ZMYM2: variants seen among roughly 807,000 people sequenced by gnomAD.
ZMYM2 encodes the protein zinc finger MYM-type protein 2.
In ZMYM2, 56 loss-of-function variants were observed where a neutral mutation model predicts 162.8. That is an observed-to-expected ratio of 0.34 (90% CI 0.28 to 0.43). The LOEUF (loss-of-function observed/expected upper bound fraction) is 0.43. Ranked by LOEUF, ZMYM2 falls within the 20% of genes least tolerant of loss-of-function variation. The pLI is 1.00. For synonymous variants in ZMYM2, 510 were observed against 541.6 expected (o/e 0.94, Z 0.81); for missense variants, 1,275 against 1,621.8 (o/e 0.79, Z 3.67).
chr13:20,021,177 G>A (rs1002318650), intron 7 of ZMYM2, among the ~76,000 whole-genome samples: 21 of 151,866 alleles, frequency 1.4e-4, no homozygotes, highest in African/African-American at 4.6e-4. Context: ...GGGTTTCACC[G>A]TGTTAGCCAG....
At chr13:20,030,421 C>G (rs1378261154) in intron 9 of ZMYM2, among the ~76,000 whole-genome samples, 1 of 108,198 alleles carries the variant, frequency 9.2e-6, no homozygotes, top group Non-Finnish European at 1.9e-5. Flanking sequence ...TTTTTTGAGA[C>G]GGAGTCTCGC....
chr13:19,911,898 C>A, the ZMYM2 span, among the ~76,000 whole-genome samples: 1 of 152,208 alleles, frequency 6.6e-6, no homozygotes, highest in Non-Finnish European at 1.5e-5. Context: ...GGAGTGACTG[C>A]AGGGATTAAT....
At chr13:20,061,330 G>T in intron 17 of ZMYM2, 106 bp downstream of exon 17, 2 of 1,278,764 alleles carry the variant, frequency 1.6e-6, no homozygotes, top group South Asian at 1.7e-5. Flanking sequence ...AACTTATGTG[G>T]GGGTGAGGAA....
At chr13:19,885,974 T>C in the ZMYM2 span, among the ~76,000 whole-genome samples, 200 of 96,254 alleles carry the variant, frequency 2.1e-3, 54 homozygotes, top group African/African-American at 6.1e-3. Flanking sequence ...TGTATACACA[T>C]ATATATGTAT....
the ZMYM2 span, among the ~76,000 whole-genome samples, chr13:19,878,043 T>G: frequency 7.1e-6 from 1 of 141,702 alleles, no homozygotes; most frequent in African/African-American, 2.5e-5. Flanking sequence ...CAACACTGAT[T>G]ACTTTTTGAT....
chr13:19,996,962 A>G (rs1449823411), intron 3 of ZMYM2, among the ~76,000 whole-genome samples: 1 of 152,112 alleles, frequency 6.6e-6, no homozygotes, highest in Non-Finnish European at 1.5e-5. Context: ...TGAAGCTGGG[A>G]GTTGGAGACT....
chr13:19,890,524 T>TAAAAAAAAAAAAAAAAAAAAAAAAAAA, the ZMYM2 span, among the ~76,000 whole-genome samples: 1 of 38,230 alleles, frequency 2.6e-5, no homozygotes, highest in African/African-American at 7.2e-5. Flanking sequence ...AAAAAAAAAG[T>TAAAAAAAAAAAAAAAAAAAAAAAAAAA]TGGGAAAAAA....
At chr13:20,045,025 G>A (rs1048645636) in intron 12 of ZMYM2, among the ~76,000 whole-genome samples, 3 of 139,796 alleles carry the variant, frequency 2.1e-5, no homozygotes, top group African/African-American at 2.9e-5. Flanking sequence ...ACTCCAGCCC[G>A]GGCGACAGAG....
At chr13:19,872,855 T>C in the ZMYM2 span, among the ~76,000 whole-genome samples, 1 of 151,628 alleles carries the variant, frequency 6.6e-6, no homozygotes, top group Admixed American at 6.6e-5. Context: ...AAAAATTAGC[T>C]GGGCATGGTG....
At chr13:19,974,621 G>A (rs1042738878) in intron 2 of ZMYM2, among the ~76,000 whole-genome samples, 1 of 151,916 alleles carries the variant, frequency 6.6e-6, no homozygotes, top group Non-Finnish European at 1.5e-5. Flanking sequence ...ACAGGCACCC[G>A]CCACCACACC....
chr13:19,978,031 C>G (rs1198364180), intron 2 of ZMYM2, among the ~76,000 whole-genome samples: 1 of 151,790 alleles, frequency 6.6e-6, no homozygotes, highest in Non-Finnish European at 1.5e-5. Context: ...TGCCCACCAC[C>G]ACGCCTGGCT....
the ZMYM2 span, among the ~76,000 whole-genome samples, chr13:19,900,755 C>T: frequency 6.6e-6 from 1 of 152,046 alleles, no homozygotes; most frequent in African/African-American, 2.4e-5. Context: ...TACTACAAAA[C>T]AGAATTCAAC....
At chr13:20,013,467 A>G (rs1161213261) in intron 6 of ZMYM2, among the ~76,000 whole-genome samples, 1 of 152,192 alleles carries the variant, frequency 6.6e-6, no homozygotes, top group African/African-American at 2.4e-5. Flanking sequence ...ATAATTTTCA[A>G]TACTGTGTCA....
intron 12 of ZMYM2, among the ~76,000 whole-genome samples, chr13:20,045,339 T>C (rs985273549): frequency 2.6e-5 from 4 of 152,196 alleles, no homozygotes; most frequent in African/African-American, 9.7e-5. Flanking sequence ...TTAAGAGCTG[T>C]GAAGTAATTG....
chr13:19,923,924 G>C, the ZMYM2 span, among the ~76,000 whole-genome samples: 1 of 151,990 alleles, frequency 6.6e-6, no homozygotes, highest in Non-Finnish European at 1.5e-5. Context: ...ACCCACCTCG[G>C]CCTCACAAAG....
upstream of ZMYM2, among the ~76,000 whole-genome samples, chr13:19,954,077 A>C (rs1224786302): frequency 6.7e-6 from 1 of 149,466 alleles, no homozygotes; most frequent in Non-Finnish European, 1.5e-5. Context: ...TGGTCAAAAA[A>C]AAGTTTATAA....
intron 5 of ZMYM2, among the ~76,000 whole-genome samples, chr13:20,005,716 C>T (rs1950689798): frequency 6.6e-6 from 1 of 152,088 alleles, no homozygotes; most frequent in African/African-American, 2.4e-5. Flanking sequence ...TAATGGTTCT[C>T]CCCTCCTCAT....
At chr13:19,913,728 C>T in the ZMYM2 span, among the ~76,000 whole-genome samples, 3 of 152,150 alleles carry the variant, frequency 2.0e-5, no homozygotes, top group African/African-American at 7.2e-5. Context: ...AAGACTCTGT[C>T]TCAAAAACAA....
At chr13:20,023,940 CTTT>C (rs536997476) in intron 7 of ZMYM2, among the ~76,000 whole-genome samples, 2 of 143,554 alleles carry the variant, frequency 1.4e-5, no homozygotes, top group African/African-American at 2.6e-5. Context: ...TTTTCTTCTT[CTTT>C]TTTTTTTTTT....
Sources: allele counts gnomAD v4.1 joint callset (sites outside exome capture counted in the v4.1 genomes callset), GRCh38; gene constraint gnomAD v4.1.1; transcripts MANE v1.5; gene names NCBI Gene and HGNC (gene_info 2026-07-23, HGNC 2026-07-21).